Variants in PPP2R2B observed in about 807,000 individuals in gnomAD.
The protein encoded by PPP2R2B is protein phosphatase 2 regulatory subunit Bbeta.
Under a neutral mutation model 46.0 loss-of-function variants are expected in PPP2R2B, and 5 were observed. That is an observed-to-expected ratio of 0.11 (90% CI 0.06 to 0.23). The LOEUF is 0.23. PPP2R2B is among the 10% of genes least tolerant of loss of function. PPP2R2B has a pLI of 1.00. For synonymous variants in PPP2R2B, 215 were observed against 206.7 expected (o/e 1.04, Z -0.34); for missense variants, 367 against 575.0 (o/e 0.64, Z 3.70).
chr5:146,954,966 T>A (rs1751817865), intron 1 of PPP2R2B, among the ~76,000 whole-genome samples: 1 of 152,150 alleles, frequency 6.6e-6, no homozygotes, highest in African/African-American at 2.4e-5. Context: ...GAATGCTTAC[T>A]GTATAGGAAG....
intron 2 of PPP2R2B, among the ~76,000 whole-genome samples, chr5:147,075,783 C>T (rs1478349242): frequency 3.3e-5 from 5 of 152,116 alleles, no homozygotes; most frequent in African/African-American, 1.2e-4. Context: ...AGCCTGTTAT[C>T]TCTTCATCTG....
intron 2 of PPP2R2B, among the ~76,000 whole-genome samples, chr5:146,821,438 G>A (rs1285130789): frequency 2.0e-5 from 3 of 152,090 alleles, no homozygotes; most frequent in African/African-American, 7.2e-5. Context: ...GCTAAGCATG[G>A]CTCTCCCTTC....
At chr5:146,786,997 T>C (rs1250900231) in intron 2 of PPP2R2B, among the ~76,000 whole-genome samples, 2 of 152,220 alleles carry the variant, frequency 1.3e-5, no homozygotes, top group Non-Finnish European at 2.9e-5. Context: ...TAAATCCCTA[T>C]TTTACAGATA....
intron 1 of PPP2R2B, among the ~76,000 whole-genome samples, chr5:147,011,855 G>C (rs1300144653): frequency 2.5e-5 from 3 of 118,826 alleles, no homozygotes; most frequent in Non-Finnish European, 5.5e-5. Flanking sequence ...TTTGTCTTTG[G>C]CTCTGTTTAT....
intron 1 of PPP2R2B, among the ~76,000 whole-genome samples, chr5:147,014,253 T>G (rs1754886876): frequency 1.4e-5 from 2 of 146,828 alleles, no homozygotes; most frequent in Admixed American, 1.4e-4. Context: ...CTGGAGAGGA[T>G]GTGGAGAAAT....
At chr5:146,789,155 G>A (rs1239988876) in intron 2 of PPP2R2B, among the ~76,000 whole-genome samples, 1 of 152,162 alleles carries the variant, frequency 6.6e-6, no homozygotes, top group African/African-American at 2.4e-5. Flanking sequence ...GGTGGAATCC[G>A]AGGGCAACAG....
At chr5:147,001,716 T>C (rs891282359) in intron 1 of PPP2R2B, among the ~76,000 whole-genome samples, 3 of 152,146 alleles carry the variant, frequency 2.0e-5, no homozygotes, top group African/African-American at 7.2e-5. Context: ...CTATTTTTCC[T>C]TAGAATCTGG....
intron 1 of PPP2R2B, among the ~76,000 whole-genome samples, chr5:146,945,896 G>A (rs1764464617): frequency 6.6e-6 from 1 of 152,070 alleles, no homozygotes; most frequent in Admixed American, 6.6e-5. Context: ...TGTTACTATG[G>A]ACCCCTGCCT....
At chr5:146,748,604 G>T (rs925241521) in intron 2 of PPP2R2B, among the ~76,000 whole-genome samples, 4 of 152,186 alleles carry the variant, frequency 2.6e-5, no homozygotes, top group South Asian at 4.1e-4. Flanking sequence ...GGTCACCTGG[G>T]GTTAAGAAGA....
chr5:147,002,501 G>T (rs977081443), intron 1 of PPP2R2B, among the ~76,000 whole-genome samples: 2 of 152,116 alleles, frequency 1.3e-5, no homozygotes, highest in African/African-American at 4.8e-5. Flanking sequence ...ACAGGAGAAT[G>T]CTTAGGACTC....
At chr5:146,808,313 T>C (rs1324551229) in intron 2 of PPP2R2B, among the ~76,000 whole-genome samples, 2 of 152,332 alleles carry the variant, frequency 1.3e-5, no homozygotes, top group East Asian at 1.9e-4. Context: ...GCGGCTACCA[T>C]GTTGAATAGC....
At chr5:146,952,923 G>A (rs1751689630) in intron 1 of PPP2R2B, among the ~76,000 whole-genome samples, 1 of 152,282 alleles carries the variant, frequency 6.6e-6, no homozygotes, top group South Asian at 2.1e-4. Flanking sequence ...CAGATAATAA[G>A]TGAGAGGGGT....
chr5:146,974,893 G>C (rs1481293165), intron 1 of PPP2R2B, among the ~76,000 whole-genome samples: 1 of 151,948 alleles, frequency 6.6e-6, no homozygotes, highest in Non-Finnish European at 1.5e-5. Flanking sequence ...GTTTCACCAT[G>C]TTAGCCAGGA....
chr5:146,707,095 T>A, intron 2 of PPP2R2B: 1 of 1,552,134 alleles, frequency 6.4e-7, no homozygotes, highest in East Asian at 2.2e-5. Flanking sequence ...CTTGAAGTCC[T>A]CCACCAGCCC....
chr5:146,968,036 C>A (rs2151846395), intron 1 of PPP2R2B, among the ~76,000 whole-genome samples: 1 of 152,256 alleles, frequency 6.6e-6, no homozygotes, highest in South Asian at 2.1e-4. Flanking sequence ...ACAATCTTGC[C>A]AATTACGTGT....
At chr5:146,631,106 G>T (rs553316072) in intron 7 of PPP2R2B, among the ~76,000 whole-genome samples, 2 of 152,178 alleles carry the variant, frequency 1.3e-5, no homozygotes, top group Non-Finnish European at 2.9e-5. Context: ...TGTGCTTACA[G>T]GGAACATCAT....
intron 6 of PPP2R2B, 50 bp from the exon 7 acceptor site, chr5:146,638,465 GGGGAA>G: frequency 6.6e-7 from 1 of 1,506,638 alleles, no homozygotes; most frequent in Non-Finnish European, 9.1e-7. Flanking sequence ...GCAGGAACTT[GGGGAA>G]GGGGAGAATT....
chr5:146,972,320 G>A (rs574743994), intron 1 of PPP2R2B, among the ~76,000 whole-genome samples: 2 of 152,288 alleles, frequency 1.3e-5, no homozygotes, highest in Admixed American at 1.3e-4. Flanking sequence ...TGGATTTAAG[G>A]TAGTGTTTGC....
At chr5:146,831,249 C>T (rs779327116) in intron 2 of PPP2R2B, among the ~76,000 whole-genome samples, 11 of 151,954 alleles carry the variant, frequency 7.2e-5, no homozygotes, top group Non-Finnish European at 4.4e-5. Context: ...GTAATCTCAG[C>T]ACTTTGGGAG....
Sources: gnomAD v4.1 joint callset for allele counts (sites outside exome capture counted in the v4.1 genomes callset) on GRCh38, gnomAD v4.1.1 for gene constraint, MANE v1.5 for transcripts, NCBI Gene and HGNC (gene_info 2026-07-23, HGNC 2026-07-21) for gene names.